HES7: variants seen among roughly 807,000 people sequenced by gnomAD.
The protein encoded by HES7 is transcription factor HES-7.
In HES7, 8 loss-of-function variants were observed where a neutral mutation model predicts 18.0. The observed-to-expected ratio is 0.45, with a 90% CI of 0.26 to 0.80. The LOEUF is 0.80. Among genes scored for constraint, HES7 ranks in the 30% least tolerant of loss-of-function variants. HES7 has a pLI of 0.18. For missense variants in HES7, 356 were observed against 340.9 expected, an observed-to-expected ratio of 1.04 and a Z score of -0.35; for synonymous variants, 170 against 158.6, an observed-to-expected ratio of 1.07 and a Z score of -0.54.
rs1981454278 is a variant in HES7, at chr17:8,123,241, C to T, written c.43-115G>A. 1 of 794,706 alleles carries T rather than the reference C, an allele frequency of 1.3e-6. No homozygotes were observed. The highest frequency in any genetic ancestry group is 1.7e-5 in the African/African-American group (1 of 58,696). 49.2% of individuals were successfully genotyped at this position (794,706 alleles called of 1,614,324 possible). A position where few individuals can be genotyped will look rare whatever the true frequency, so the allele number is the denominator to read the frequency against. On this transcript the variant is annotated intron_variant, in intron 1 of 3. Coordinates refer to ENST00000541682, the MANE Select transcript of HES7 (RefSeq NM_001165967.2). This position sits in a 1 kb window ranked among gnomAD's most constrained non-coding sequence, Gnocchi z 5.9. ...GGCTTCCACCCCGGCCACAAGACCC[C>T]AGATTGCCTAGGGCCGGCCCCATTC... is the stretch of plus-strand genomic sequence containing the variant.
In HES7 at chr17:8,124,069, G is replaced by A; in HGVS notation, c.16C>T (p.Arg6Ter). 1.2e-6 allele frequency: 2 copies of A among 1,614,032 alleles called. No homozygotes were observed. The highest frequency in any genetic ancestry group is 8.5e-7 in the Non-Finnish European group (1 of 1,180,016). The change falls in exon 1 of 4, where the codon CGA (arginine) becomes TGA (stop). Residue 6 changes from arginine to a stop codon, truncating the protein, a stop_gained. Coordinates refer to ENST00000541682, the MANE Select transcript of HES7 (RefSeq NM_001165967.2). LOFTEE classifies it high-confidence loss of function. ...TTGGGGCCGTCCCTATTCTCAGCTC[G>A]ATCCCGGGTGACCATTGCTCCTCCG... MVTRD[R>*]AENRDGPKML... is the part of the protein sequence containing the mutation.
Position 8,122,908 on chromosome 17 carries a change from G to A in HES7, c.138+123C>T. ...GGTCTGGGATGGAATTCCAAAGGCG[G>A]GACTCGGGTGAGGATGCCTTGGGGC... On this transcript the variant is annotated intron_variant, in intron 2 of 3. Transcript: ENST00000541682. This position sits in a 1 kb window ranked among gnomAD's most constrained non-coding sequence, Gnocchi z 6.9. 1 of 760,778 alleles carries A rather than the reference G, an allele frequency of 1.3e-6. No individual in the cohort carries two copies. 47.1% of individuals were successfully genotyped at this position (760,778 alleles called of 1,614,324 possible). A position where few individuals can be genotyped will look rare whatever the true frequency, so the allele number is the denominator to read the frequency against.
At position 8,122,148 on chromosome 17, in the gene HES7, C is replaced by T. The variant is rs1981382338; in HGVS notation, c.227-111G>A. 2.9e-6 allele frequency: 3 copies of T among 1,048,086 alleles called. No individual in the cohort carries two copies. Among genetic ancestry groups the T allele is most frequent in the East Asian group, 2.7e-5 (1 of 37,338 alleles). 64.9% of individuals were successfully genotyped at this position (1,048,086 alleles called of 1,614,324 possible). On this transcript the variant is annotated intron_variant, in intron 3 of 3. Transcript: ENST00000541682. This position sits in a 1 kb window ranked among gnomAD's most constrained non-coding sequence, Gnocchi z 6.9. ...CGGACAGGCGCACAGAGACAGGAAG[C>T]CAGATGGACGGAAAGAGGGAGAAAA...
chr17:8,125,820 G>A (rs183357702), upstream of HES7, among the ~76,000 whole-genome samples: 13 of 152,354 alleles, frequency 8.5e-5, no homozygotes, highest in Admixed American at 3.3e-4. Context: ...CAATGCACGA[G>A]TACAGTTTTC....
In HES7 at chr17:8,120,678, G is replaced by C. The variant is rs1981241443; in HGVS notation, c.*893C>G. The stretch of plus-strand genomic sequence containing the variant: ...GGAAACACCCCCCAAGCGGGCAGCC[G>C]GAGCTCTGCACTCGCTCGCTCAGCC... On this transcript the variant is annotated 3_prime_UTR_variant, in exon 4 of 4. Coordinates refer to ENST00000541682, the MANE Select transcript of HES7 (RefSeq NM_001165967.2). The C allele has an allele frequency of 6.6e-6, 1 of 152,628 alleles. No individual in the cohort carries two copies. Among genetic ancestry groups the C allele is most frequent in the South Asian group, 2.1e-4 (1 of 4,828 alleles). 9.5% of individuals were successfully genotyped at this position (152,628 alleles called of 1,614,324 possible). A position where few individuals can be genotyped will look rare whatever the true frequency, so the allele number is the denominator to read the frequency against.
Position 8,121,637 on chromosome 17 carries a change from G to A in HES7, c.627C>T (p.His209=), listed in dbSNP as rs1598230439. Residue 209 remains histidine, a synonymous_variant, in exon 4 of 4, where the codon CAC becomes CAT. Transcript: ENST00000541682. The stretch of plus-strand genomic sequence containing the variant: ...GGGCCTTGGGCGCCCCGTCTTGTCT[G>A]TGAGGCGGCGGTGGCGGCGGCAGCA... ...TGLLPPPPPP[H]RQDGAPKAPL... The A allele has an allele frequency of 6.1e-6, 8 of 1,321,514 alleles. No homozygotes were observed. The East Asian group carries it at 2.2e-4, about 36-fold the overall frequency. The allele number at this position is 1,321,514 out of a possible 1,614,324, so 81.9% of individuals were successfully genotyped here.
At position 8,121,921 on chromosome 17, in the gene HES7, C is replaced by A; in HGVS notation, c.343G>T (p.Ala115Ser). The change falls in exon 4 of 4, where the codon GCC (alanine) becomes TCC (serine). Residue 115 changes from alanine to serine, a missense_variant. By Grantham distance (99) the Ala-to-Ser change is moderately conservative (BLOSUM62 1). Coordinates refer to ENST00000541682, the MANE Select transcript of HES7 (RefSeq NM_001165967.2). The part of the protein sequence containing the change: ...LLRLAAFAHD[A>S]SPAARAQLFS... ...AGCTGGGCGCGGGCGGCCGGGCTGG[C>A]GTCGTGCGCGAAGGCCGCCAAGCGA... 6.4e-7 allele frequency: 1 copy of A among 1,564,256 alleles called. No individual in the cohort carries two copies. The highest frequency in any genetic ancestry group is 1.1e-5 in the South Asian group (1 of 86,982).
chr17:8,126,165 CTG>C (rs1374352347), upstream of HES7, among the ~76,000 whole-genome samples: 1 of 152,206 alleles, frequency 6.6e-6, no homozygotes, highest in Non-Finnish European at 1.5e-5. Context: ...CTCTCTTCCT[CTG>C]TTATTTTCCG....
Position 8,121,955 on chromosome 17 carries a change from C to T in HES7, c.309G>A (p.Glu103=). 1 of 1,556,300 alleles carries T rather than the reference C, an allele frequency of 6.4e-7. No individual in the cohort carries two copies. Among genetic ancestry groups the T allele is most frequent in the Non-Finnish European group, 8.6e-7 (1 of 1,161,642 alleles). The change falls in exon 4 of 4, where the codon GAG becomes GAA. Residue 103 remains glutamate (E), a synonymous_variant. Coordinates refer to ENST00000541682, the MANE Select transcript of HES7 (RefSeq NM_001165967.2). ...CGAAGGCCGCCAAGCGAAGCAGGCA[C>T]TCGCGGAAACCGGACAAGTAGCAGC... is the stretch of plus-strand genomic sequence containing the variant. ...LASCYLSGFR[E]CLLRLAAFAH... is the part of the protein sequence containing the mutation.
upstream of HES7, chr17:8,124,235 G>C: frequency 1.1e-6 from 1 of 937,408 alleles, no homozygotes; most frequent in Non-Finnish European, 1.7e-6. Flanking sequence ...CCCGGAAAGA[G>C]GAGGAGTGAA....
chr17:8,123,059 A>T lies in HES7; in HGVS notation c.110T>A (p.Leu37Gln), dbSNP rs371599866. 4 of 1,604,420 alleles carry T rather than the reference A, an allele frequency of 2.5e-6. No homozygotes were observed. Among genetic ancestry groups the T allele is most frequent in the African/African-American group, 1.3e-5 (1 of 74,726 alleles). The change falls in exon 2 of 4, where the codon CTG becomes CAG. Residue 37 changes from leucine to glutamine, a missense_variant. Coordinates refer to ENST00000541682, the MANE Select transcript of HES7 (RefSeq NM_001165967.2). The surrounding 1 kb of genome is among the most constrained non-coding windows in gnomAD (Gnocchi z 5.9). ...GTCCCGGGTCCGCTCCAGCAGCAGC[A>T]GCCTCAGCTCTTCCAGGCTGCGGTT... Reference protein sequence around the residue: ...RINRSLEELRLLLLERTRDQN... With the variant: ...RINRSLEELRQLLLERTRDQN...
At chr17:8,124,242 T>A (rs1219964545), upstream of HES7, 5 of 877,878 alleles carry the variant, frequency 5.7e-6, no homozygotes, top group Non-Finnish European at 9.1e-6. Flanking sequence ...AGAGGAGGAG[T>A]GAAGGGGGGA....
At chr17:8,124,851 G>A (rs1441076214), upstream of HES7, among the ~76,000 whole-genome samples, 1 of 152,198 alleles carries the variant, frequency 6.6e-6, no homozygotes, top group African/African-American at 2.4e-5. Flanking sequence ...GGATCTTCAA[G>A]GCAGAGGGAG....
chr17:8,122,307 C>T lies in HES7; in HGVS notation c.226+36G>A, dbSNP rs370594135. 2.8e-6 allele frequency: 4 copies of T among 1,440,572 alleles called. No homozygotes were observed. In the African/African-American group the frequency reaches 4.2e-5, roughly 15 times the overall value. 89.2% of individuals were successfully genotyped at this position (1,440,572 alleles called of 1,614,324 possible). A position where few individuals can be genotyped will look rare whatever the true frequency, so the allele number is the denominator to read the frequency against. ...CCGGCCGGAGCCTCCTGGCGTCCCC[C>T]CTCCCTCCCTCCGCTGCCCCACCCC... is the stretch of plus-strand genomic sequence containing the variant. On this transcript the variant is annotated intron_variant, in intron 3 of 3. Coordinates refer to ENST00000541682, the MANE Select transcript of HES7 (RefSeq NM_001165967.2). The surrounding 1 kb of genome is among the most constrained non-coding windows in gnomAD (Gnocchi z 6.9).
chr17:8,122,845 G>A lies in HES7; in HGVS notation c.138+186C>T, dbSNP rs1981429946. ...CCAGGCGTGAAACTTACAGACCCGA[G>A]GGGTGGCGAAGAAGATCGCGTTCTG... On this transcript the variant is annotated intron_variant, in intron 2 of 3. Transcript: ENST00000541682. The surrounding 1 kb of genome is among the most constrained non-coding windows in gnomAD (Gnocchi z 6.9). Among the ~76,000 whole-genome samples, 1 of 152,148 alleles carries A rather than the reference G, an allele frequency of 6.6e-6. No homozygotes were observed. The highest frequency in any genetic ancestry group is 2.4e-5 in the African/African-American group (1 of 41,446).
rs1981353815 is a variant in HES7 at position 8,121,849 on chromosome 17, T to C, written c.415A>G (p.Lys139Glu). Residue 139 changes from lysine (K) to glutamate (E), a missense_variant, in exon 4 of 4, where the codon AAG (lysine) becomes GAG (glutamate). Coordinates refer to ENST00000541682, the MANE Select transcript of HES7 (RefSeq NM_001165967.2). ...GCTGGAGGCCTCGGATCTACCGGCT[T>C]GGGCCGGGGCGGTTTGGGGCGCAGA... is the stretch of plus-strand genomic sequence containing the variant. ...GYLRPKPPRP[K>E]PVDPRPPAPR... The C allele has an allele frequency of 6.4e-7, 1 of 1,572,298 alleles. No individual in the cohort carries two copies. Among genetic ancestry groups the C allele is most frequent in the South Asian group, 1.1e-5 (1 of 88,884 alleles).
chr17:8,123,753 T>C lies in HES7; in HGVS notation c.42+290A>G, dbSNP rs1391163259. On this transcript the variant is annotated intron_variant, in intron 1 of 3. Transcript: ENST00000541682. The surrounding 1 kb of genome is among the most constrained non-coding windows in gnomAD (Gnocchi z 5.9). ...ACCCTCCTCCCTTGGCTCTGCCCTC[T>C]AATTGCTTATTTTACTCCAACACCG... 6.6e-6 allele frequency among the ~76,000 whole-genome samples: 1 copy of C among 152,154 alleles called. No individual in the cohort carries two copies. The highest frequency in any genetic ancestry group is 2.4e-5 in the African/African-American group (1 of 41,428).
At position 8,122,571 on chromosome 17, in the gene HES7, C is replaced by T; in HGVS notation, c.139-141G>A. 1.5e-6 allele frequency: 1 copy of T among 674,818 alleles called. No individual in the cohort carries two copies. Among genetic ancestry groups the T allele is most frequent in the East Asian group, 2.7e-5 (1 of 36,796 alleles). 41.8% of individuals were successfully genotyped at this position (674,818 alleles called of 1,614,324 possible). A position where few individuals can be genotyped will look rare whatever the true frequency, so the allele number is the denominator to read the frequency against. On this transcript the variant is annotated intron_variant, in intron 2 of 3. Coordinates refer to ENST00000541682, the MANE Select transcript of HES7 (RefSeq NM_001165967.2). This position sits in a 1 kb window ranked among gnomAD's most constrained non-coding sequence, Gnocchi z 6.9. ...TGCGCACTGCCCACAGAACGCGCGACCAAATGCGGAGTGGAGATGACCAAG... is the reference window on the plus strand; with the variant it reads ...TGCGCACTGCCCACAGAACGCGCGATCAAATGCGGAGTGGAGATGACCAAG...
At chr17:8,124,234 A>T, upstream of HES7, 1 of 936,806 alleles carries the variant, frequency 1.1e-6, no homozygotes, top group Non-Finnish European at 1.7e-6. Context: ...TCCCGGAAAG[A>T]GGAGGAGTGA....
Sources: allele counts gnomAD v4.1 joint callset (sites outside exome capture counted in the v4.1 genomes callset), GRCh38; gene constraint gnomAD v4.1.1; non-coding constraint Gnocchi (gnomAD v3.1); transcripts MANE v1.5; gene names NCBI Gene and HGNC (gene_info 2026-07-23, HGNC 2026-07-21).